Variants in RHOBTB1 observed in about 807,000 individuals in gnomAD.
The protein encoded by RHOBTB1 is Rho related BTB domain containing 1.
RHOBTB1 carries 40 observed loss-of-function variants against 71.6 expected under a neutral mutation model. The observed-to-expected ratio is 0.56, with a 90% confidence interval of 0.43 to 0.73. RHOBTB1 has a LOEUF of 0.73. Among genes scored for constraint, RHOBTB1 ranks in the 30% least tolerant of loss-of-function variants. RHOBTB1 has a pLI of 0.00. For synonymous variants in RHOBTB1, 319 were observed against 334.9 expected (o/e 0.95, Z 0.52); for missense variants, 797 against 894.0 (o/e 0.89, Z 1.38).
At position 60,886,291 on chromosome 10, in the gene RHOBTB1, C is replaced by T. The variant is rs1589187017; in HGVS notation, c.1457-61G>A. ...ACTTTGCTGAGAGCTTCAACCAAGGCTTCTGCTCCCATAGCCACCAAACTG... is the reference window on the plus strand; with the variant it reads ...ACTTTGCTGAGAGCTTCAACCAAGGTTTCTGCTCCCATAGCCACCAAACTG... On this transcript the variant is annotated intron_variant, in intron 6 of 10. Transcript: ENST00000337910. 7.3e-6 allele frequency: 9 copies of T among 1,226,598 alleles called. No homozygotes were observed. In the East Asian group the frequency reaches 9.3e-5, roughly 13 times the overall value. The allele number at this position is 1,226,598 out of a possible 1,614,324, so 76.0% of individuals were successfully genotyped here.
At chr10:60,867,224 A>G (rs775802283), downstream of RHOBTB1, among the ~76,000 whole-genome samples, 1 of 152,190 alleles carries the variant, frequency 6.6e-6, no homozygotes, top group South Asian at 2.1e-4. Flanking sequence ...CCTAACTGGG[A>G]CTACCATGAA....
intron 1 of RHOBTB1, among the ~76,000 whole-genome samples, chr10:60,943,004 G>T (rs1589385466): frequency 6.6e-6 from 1 of 152,112 alleles, no homozygotes; most frequent in East Asian, 1.9e-4. Context: ...CACAGGATGG[G>T]GAAGTTCAAA....
intron 2 of RHOBTB1, among the ~76,000 whole-genome samples, chr10:60,912,238 T>C (rs1176309674): frequency 1.3e-5 from 2 of 151,804 alleles, no homozygotes; most frequent in Admixed American, 6.6e-5. Context: ...CACACACATA[T>C]ATATATGTAT....
intron 4 of RHOBTB1, 110 bp from the exon 5 acceptor site, chr10:60,893,105 TAA>T (rs11304357): frequency 5.6e-3 from 3,501 of 624,678 alleles, no homozygotes; most frequent in East Asian, 0.017. Context: ...ATGTCACAAT[TAA>T]AAAAAAAAAA....
chr10:60,983,205 C>T (rs2086559233), intron 2 of RHOBTB1, among the ~76,000 whole-genome samples: 1 of 152,108 alleles, frequency 6.6e-6, no homozygotes, highest in African/African-American at 2.4e-5. Flanking sequence ...AATACAAGTG[C>T]TTTATCCCTA....
chr10:60,985,487 T>G (rs920969498), intron 2 of RHOBTB1, among the ~76,000 whole-genome samples: 2 of 152,224 alleles, frequency 1.3e-5, no homozygotes, highest in African/African-American at 4.8e-5. Flanking sequence ...TCCTTGTATA[T>G]GGCCATGACT....
chr10:60,988,618 G>A (rs1366407206), intron 1 of RHOBTB1, among the ~76,000 whole-genome samples: 1 of 152,114 alleles, frequency 6.6e-6, no homozygotes, highest in East Asian at 1.9e-4. Flanking sequence ...CATTCACATT[G>A]TCGCAAGGGA....
At chr10:60,944,863 G>C (rs558100840), upstream of RHOBTB1, among the ~76,000 whole-genome samples, 1 of 152,192 alleles carries the variant, frequency 6.6e-6, no homozygotes, top group East Asian at 1.9e-4. Flanking sequence ...CCCCCAGGGG[G>C]CGTAGGGACG....
At chr10:60,956,180 T>C (rs1337628992) in intron 2 of RHOBTB1, among the ~76,000 whole-genome samples, 4 of 152,192 alleles carry the variant, frequency 2.6e-5, no homozygotes, top group Non-Finnish European at 5.9e-5. Flanking sequence ...TGTTACTGGA[T>C]TGAATCCTGT....
intron 9 of RHOBTB1, among the ~76,000 whole-genome samples, chr10:60,872,887 G>C (rs563843461): frequency 3.3e-5 from 5 of 152,208 alleles, no homozygotes; most frequent in African/African-American, 1.2e-4. Flanking sequence ...AAAAAGACTA[G>C]ATCCTCAAAA....
At chr10:60,960,528 A>G (rs1245128954) in intron 2 of RHOBTB1, among the ~76,000 whole-genome samples, 2 of 152,232 alleles carry the variant, frequency 1.3e-5, no homozygotes, top group African/African-American at 4.8e-5. Context: ...TGAAAGTCAT[A>G]TTCATACTAT....
At chr10:60,949,145 C>G (rs1285663167), upstream of RHOBTB1, among the ~76,000 whole-genome samples, 1 of 152,170 alleles carries the variant, frequency 6.6e-6, no homozygotes, top group Non-Finnish European at 1.5e-5. Flanking sequence ...ACCTCTGTTT[C>G]TCCTAAAATA....
intron 2 of RHOBTB1, among the ~76,000 whole-genome samples, chr10:60,921,425 T>C (rs1014160365): frequency 6.6e-6 from 1 of 152,192 alleles, no homozygotes; most frequent in African/African-American, 2.4e-5. Flanking sequence ...CAAGTACAGA[T>C]TCAAGTTACA....
chr10:60,863,964 C>G, the RHOBTB1 span, among the ~76,000 whole-genome samples: 1 of 152,216 alleles, frequency 6.6e-6, no homozygotes, highest in African/African-American at 2.4e-5. Flanking sequence ...TCCCTGCCTC[C>G]GGCCTGAAAT....
chr10:60,949,583 C>T (rs1478815401), intron 2 of RHOBTB1, among the ~76,000 whole-genome samples: 2 of 150,750 alleles, frequency 1.3e-5, no homozygotes, highest in Non-Finnish European at 1.5e-5. Flanking sequence ...TGTCTTTTTC[C>T]TAAAAGCTAC....
At chr10:60,922,796 C>T (rs972286913) in intron 2 of RHOBTB1, among the ~76,000 whole-genome samples, 1 of 152,194 alleles carries the variant, frequency 6.6e-6, no homozygotes, top group African/African-American at 2.4e-5. Context: ...TCTCTCTGTT[C>T]TGCTTTTGCT....
chr10:60,921,446 A>G (rs2083556624), intron 2 of RHOBTB1, among the ~76,000 whole-genome samples: 1 of 152,246 alleles, frequency 6.6e-6, no homozygotes, highest in African/African-American at 2.4e-5. Flanking sequence ...TTCTGGAAGA[A>G]GACACACTGC....
chr10:60,960,968 G>T (rs1407690432), intron 2 of RHOBTB1, among the ~76,000 whole-genome samples: 1 of 152,096 alleles, frequency 6.6e-6, no homozygotes, highest in Admixed American at 6.6e-5. Context: ...TGGGGTTCGT[G>T]GGGGTGGAGG....
At chr10:60,895,265 A>G (rs1260143202) in intron 4 of RHOBTB1, among the ~76,000 whole-genome samples, 1 of 152,228 alleles carries the variant, frequency 6.6e-6, no homozygotes, top group East Asian at 1.9e-4. Flanking sequence ...CTACCTCTGA[A>G]GATAAAATAA....
Sources: gnomAD v4.1 joint callset for allele counts (sites outside exome capture counted in the v4.1 genomes callset) on GRCh38, gnomAD v4.1.1 for gene constraint, MANE v1.5 for transcripts, NCBI Gene and HGNC (gene_info 2026-07-23, HGNC 2026-07-21) for gene names.